Variants in BMP2K observed in about 807,000 individuals in gnomAD.
BMP2K encodes the protein BMP-2-inducible protein kinase.
In BMP2K, 74 loss-of-function variants were observed where a neutral mutation model predicts 116.0. The observed-to-expected ratio is 0.64, with a 90% CI of 0.53 to 0.77. The LOEUF is 0.77. Ranked by LOEUF, BMP2K falls within the 30% of genes least tolerant of loss-of-function variation. The pLI is 0.00. For synonymous variants in BMP2K, 486 were observed against 502.5 expected (o/e 0.97, Z 0.44); for missense variants, 1,365 against 1,403.6 (o/e 0.97, Z 0.44).
At chr4:78,797,957 G>C (rs991595721) in intron 1 of BMP2K, among the ~76,000 whole-genome samples, 4 of 152,074 alleles carry the variant, frequency 2.6e-5, no homozygotes, top group African/African-American at 9.7e-5. Context: ...TGGGACCACA[G>C]GTGTGTGCCA....
At chr4:78,811,392 T>A (rs1207356317) in intron 1 of BMP2K, among the ~76,000 whole-genome samples, 1 of 152,234 alleles carries the variant, frequency 6.6e-6, no homozygotes, top group Non-Finnish European at 1.5e-5. Flanking sequence ...AATAATTTTA[T>A]ATTCATTAAT....
intron 1 of BMP2K, among the ~76,000 whole-genome samples, chr4:78,811,975 T>C (rs1729114042): frequency 6.6e-6 from 1 of 152,158 alleles, no homozygotes; most frequent in African/African-American, 2.4e-5. Flanking sequence ...TAAAAAGTTT[T>C]TTTTTTGTTT....
chr4:78,854,292 A>T (rs1731397745), intron 7 of BMP2K, among the ~76,000 whole-genome samples: 1 of 149,628 alleles, frequency 6.7e-6, no homozygotes, highest in African/African-American at 2.5e-5. Context: ...TTTATTTTTT[A>T]AGACCATGTC....
intron 3 of BMP2K, among the ~76,000 whole-genome samples, chr4:78,840,115 C>T (rs774191375): frequency 3.8e-4 from 57 of 149,944 alleles, no homozygotes; most frequent in Non-Finnish European, 6.2e-4. Flanking sequence ...AATATGTGTA[C>T]TCAGATAGGT....
At chr4:78,805,902 C>T (rs559472112) in intron 1 of BMP2K, among the ~76,000 whole-genome samples, 7 of 152,146 alleles carry the variant, frequency 4.6e-5, no homozygotes, top group Non-Finnish European at 8.8e-5. Flanking sequence ...ATCCGGGAGG[C>T]GGAGGTTGCG....
chr4:78,776,741 C>G lies in BMP2K; in HGVS notation c.178+20C>G, dbSNP rs755688688. The G allele has an allele frequency of 5.7e-6, 5 of 874,334 alleles. No homozygotes were observed. Among genetic ancestry groups the G allele is most frequent in the Non-Finnish European group, 5.9e-6 (4 of 679,046 alleles). 54.2% of individuals were successfully genotyped at this position (874,334 alleles called of 1,614,324 possible). ...CCGAAGGTACGGGCGCCCGGGGAGG[C>G]TCGGACAGGCAGGTGAGGGAGGGTT... On this transcript the variant is annotated intron_variant, in intron 1 of 15. Coordinates refer to ENST00000502613, the MANE Select transcript of BMP2K (RefSeq NM_198892.2).
At chr4:78,834,529 G>A (rs1359561735) in intron 3 of BMP2K, among the ~76,000 whole-genome samples, 1 of 152,112 alleles carries the variant, frequency 6.6e-6, no homozygotes, top group African/African-American at 2.4e-5. Context: ...CCAAAGTGCT[G>A]GGATTACAGG....
Position 78,870,774 on chromosome 4 carries a change from T to C in BMP2K, c.1232-9T>C, listed in dbSNP as rs570962845. On this transcript the variant is annotated splice_polypyrimidine_tract_variant and intron_variant, in intron 10 of 15. Coordinates refer to ENST00000502613, the MANE Select transcript of BMP2K (RefSeq NM_198892.2). ...GTATGTTAATGTAAGTGTTTGGACC[T>C]GTCTTTAGGGGCACTAAGACCTGGA... The C allele has an allele frequency of 5.6e-6, 9 of 1,608,332 alleles. No homozygotes were observed. The South Asian group carries it at 9.9e-5, about 18-fold the overall frequency.
At chr4:78,877,142 C>A (rs1053984778) in intron 13 of BMP2K, among the ~76,000 whole-genome samples, 1 of 151,920 alleles carries the variant, frequency 6.6e-6, no homozygotes, top group South Asian at 2.1e-4. Context: ...CGTGAGTGAA[C>A]GTGAAGGCCT....
At chr4:78,880,861 T>C (rs968478907) in intron 14 of BMP2K, among the ~76,000 whole-genome samples, 1 of 152,216 alleles carries the variant, frequency 6.6e-6, no homozygotes, top group Non-Finnish European at 1.5e-5. Flanking sequence ...CAGTATTAAT[T>C]ACAGAAAGAT....
intron 7 of BMP2K, among the ~76,000 whole-genome samples, chr4:78,852,907 C>T (rs1426757463): frequency 6.6e-6 from 1 of 152,070 alleles, no homozygotes; most frequent in African/African-American, 2.4e-5. Flanking sequence ...TTTGGCCTGC[C>T]ATTTTATTCT....
chr4:78,895,866 G>A (rs1733674313), intron 15 of BMP2K, among the ~76,000 whole-genome samples: 2 of 143,940 alleles, frequency 1.4e-5, no homozygotes, highest in East Asian at 1.9e-4. Flanking sequence ...AGCTCAAGCA[G>A]TCCTCCCACC....
intron 5 of BMP2K, 81 bp downstream of exon 5, chr4:78,845,130 T>C: frequency 1.7e-6 from 2 of 1,174,816 alleles, no homozygotes; most frequent in South Asian, 2.8e-5. Flanking sequence ...CTAATACAAA[T>C]TTTAGGTATT....
At chr4:78,859,414 T>A in intron 7 of BMP2K, 170 bp from the exon 8 acceptor site, 1 of 480,376 alleles carries the variant, frequency 2.1e-6, no homozygotes, top group Non-Finnish European at 3.6e-6. Context: ...ATGCTTTATT[T>A]ATAAAATAGC....
chr4:78,801,971 A>G (rs921163287), intron 1 of BMP2K, among the ~76,000 whole-genome samples: 1 of 152,336 alleles, frequency 6.6e-6, no homozygotes, highest in Middle Eastern at 3.4e-3. Context: ...AAGGTCTTGT[A>G]TGATCTTCCA....
At chr4:78,791,505 G>A (rs1727994535) in intron 1 of BMP2K, among the ~76,000 whole-genome samples, 1 of 151,882 alleles carries the variant, frequency 6.6e-6, no homozygotes, top group Non-Finnish European at 1.5e-5. Flanking sequence ...CAGTTTAGTG[G>A]CATCAAGTAC....
At chr4:78,855,724 T>C (rs761544525) in intron 7 of BMP2K, among the ~76,000 whole-genome samples, 2 of 152,226 alleles carry the variant, frequency 1.3e-5, no homozygotes, top group South Asian at 2.1e-4. Flanking sequence ...TTTAGTCTTA[T>C]ACTACCTTCA....
intron 15 of BMP2K, among the ~76,000 whole-genome samples, 182 bp from the exon 16 acceptor site, chr4:78,910,428 A>G (rs1286056421): frequency 2.6e-5 from 4 of 152,218 alleles, no homozygotes; most frequent in African/African-American, 9.6e-5. Context: ...AGACTTAACT[A>G]TCTACCTGAG....
At chr4:78,877,625 C>T (rs773940501) in intron 13 of BMP2K, among the ~76,000 whole-genome samples, 31 of 152,184 alleles carry the variant, frequency 2.0e-4, no homozygotes, top group Non-Finnish European at 2.9e-4. Flanking sequence ...GGCTGTTTTA[C>T]AGTCGACTTT....
Sources: gnomAD v4.1 joint callset for allele counts (sites outside exome capture counted in the v4.1 genomes callset) on GRCh38, gnomAD v4.1.1 for gene constraint, MANE v1.5 for transcripts, NCBI Gene and HGNC (gene_info 2026-07-23, HGNC 2026-07-21) for gene names.